Variants in MAGI1 observed in about 807,000 individuals in gnomAD.
The protein encoded by MAGI1 is membrane-associated guanylate kinase, WW and PDZ domain-containing protein 1.
MAGI1 carries 58 observed loss-of-function variants against 139.9 expected under a neutral mutation model. The observed-to-expected ratio is 0.41, with a 90% CI of 0.34 to 0.52. MAGI1 has a LOEUF of 0.52. Among genes scored for constraint, MAGI1 ranks in the 20% least tolerant of loss-of-function variants. MAGI1 has a pLI of 0.12. For synonymous variants in MAGI1, 812 were observed against 737.9 expected (o/e 1.10, Z -1.63); for missense variants, 1,874 against 1,901.6 (o/e 0.99, Z 0.27).
At chr3:65,530,038 C>T (rs2078570617) in intron 2 of MAGI1, among the ~76,000 whole-genome samples, 1 of 151,940 alleles carries the variant, frequency 6.6e-6, no homozygotes, top group South Asian at 2.1e-4. Flanking sequence ...GTGAGAGTGC[C>T]TAGCTAGGGA....
At chr3:65,374,354 G>A (rs1183633325) in intron 18 of MAGI1, among the ~76,000 whole-genome samples, 1 of 112,422 alleles carries the variant, frequency 8.9e-6, no homozygotes, top group African/African-American at 3.5e-5. Flanking sequence ...GTCTCGCCCT[G>A]TTGCCCAGGC....
intron 2 of MAGI1, among the ~76,000 whole-genome samples, chr3:65,556,471 T>G (rs1158907530): frequency 6.6e-6 from 1 of 152,212 alleles, no homozygotes; most frequent in East Asian, 1.9e-4. Context: ...ATAAGCCTGG[T>G]CCGCTTTCAG....
intron 1 of MAGI1, among the ~76,000 whole-genome samples, chr3:65,670,739 G>T (rs1187028753): frequency 6.6e-6 from 1 of 152,132 alleles, no homozygotes; most frequent in African/African-American, 2.4e-5. Flanking sequence ...GGTCTCCATA[G>T]TTAATGCAGA....
chr3:65,819,738 G>A (rs1293637033), intron 1 of MAGI1, among the ~76,000 whole-genome samples: 5 of 151,192 alleles, frequency 3.3e-5, no homozygotes, highest in South Asian at 2.1e-4. Flanking sequence ...TTAGCTGGGC[G>A]TGGTGGTGCA....
At chr3:65,395,810 A>C (rs1026753091) in intron 13 of MAGI1, among the ~76,000 whole-genome samples, 4 of 151,282 alleles carry the variant, frequency 2.6e-5, no homozygotes, top group African/African-American at 9.7e-5. Flanking sequence ...CAAGAGGGGG[A>C]ATCCATTAAT....
chr3:65,683,964 A>C (rs1352559818), intron 1 of MAGI1, among the ~76,000 whole-genome samples: 26 of 150,598 alleles, frequency 1.7e-4, no homozygotes, highest in African/African-American at 4.4e-4. Flanking sequence ...CAGGAGTTTG[A>C]TACCAGCCTG....
intron 1 of MAGI1, among the ~76,000 whole-genome samples, chr3:65,705,515 C>T (rs1454644255): frequency 6.6e-6 from 1 of 152,188 alleles, no homozygotes; most frequent in East Asian, 1.9e-4. Context: ...AGAAATTGTA[C>T]AAGGTGCAAG....
At chr3:66,001,204 G>A (rs2066720327) in intron 1 of MAGI1, among the ~76,000 whole-genome samples, 1 of 152,134 alleles carries the variant, frequency 6.6e-6, no homozygotes, top group Non-Finnish European at 1.5e-5. Context: ...TGAAGAACAA[G>A]TAGGAATTGG....
chr3:65,939,350 A>C (rs1406572119), intron 1 of MAGI1, among the ~76,000 whole-genome samples: 1 of 152,184 alleles, frequency 6.6e-6, no homozygotes, highest in Non-Finnish European at 1.5e-5. Context: ...CACCAGCAAG[A>C]TCATTATTTC....
At chr3:65,549,512 C>CG (rs2079711621) in intron 2 of MAGI1, 1 of 984,280 alleles carries the variant, frequency 1.0e-6, no homozygotes, top group African/African-American at 1.7e-5. Flanking sequence ...AGCGGCCCGG[C>CG]GGCAGCTGCT....
At chr3:65,932,824 G>A (rs547883522) in intron 1 of MAGI1, among the ~76,000 whole-genome samples, 15 of 152,232 alleles carry the variant, frequency 9.9e-5, no homozygotes, top group East Asian at 5.8e-4. Flanking sequence ...AGACTTTGCC[G>A]TCTCTAGATA....
intron 13 of MAGI1, among the ~76,000 whole-genome samples, chr3:65,399,148 T>G (rs1944651738): frequency 6.6e-6 from 1 of 152,168 alleles, no homozygotes; most frequent in Non-Finnish European, 1.5e-5. Flanking sequence ...ACAGAGCTAT[T>G]GCCAAATCTA....
rs1945366759 is a variant in MAGI1, at chr3:65,406,705, G to T, written c.2168-5235C>A. Among the ~76,000 whole-genome samples the T allele has an allele frequency of 2.6e-5, 4 of 151,862 alleles. No individual in the cohort carries two copies. The South Asian group carries it at 8.3e-4, about 32-fold the overall frequency. On this transcript the variant is annotated intron_variant, in intron 12 of 22. Transcript: ENST00000402939. ...GCAATAAAAACTGAAAAACTGTCCTGGAGTTGGATTAGGTAATACAGTGTG... is the reference window on the plus strand; with the variant it reads ...GCAATAAAAACTGAAAAACTGTCCTTGAGTTGGATTAGGTAATACAGTGTG...
At chr3:65,473,076 G>A (rs1323850661) in intron 4 of MAGI1, among the ~76,000 whole-genome samples, 1 of 152,086 alleles carries the variant, frequency 6.6e-6, no homozygotes, top group Non-Finnish European at 1.5e-5. Flanking sequence ...GTTGTGGGGA[G>A]GATTAAATGG....
intron 1 of MAGI1, among the ~76,000 whole-genome samples, chr3:65,940,764 G>A (rs372923859): frequency 2.6e-5 from 4 of 152,106 alleles, no homozygotes; most frequent in African/African-American, 7.2e-5. Flanking sequence ...ACCAAAGTGC[G>A]TATCAGACTG....
At chr3:65,739,111 G>A (rs1008975576) in intron 1 of MAGI1, among the ~76,000 whole-genome samples, 1 of 152,226 alleles carries the variant, frequency 6.6e-6, no homozygotes, top group African/African-American at 2.4e-5. Flanking sequence ...CTGTTGTTTA[G>A]TATAGCCACA....
chr3:65,637,552 CAAAAAAAGAAAG>C (rs1460691300), intron 1 of MAGI1, among the ~76,000 whole-genome samples: 416 of 87,852 alleles, frequency 4.7e-3, no homozygotes, highest in African/African-American at 0.018. Context: ...ACCCTGTCTC[CAAAAAAAGAAAG>C]AAAGAAAGAA....
intron 1 of MAGI1, among the ~76,000 whole-genome samples, chr3:65,758,668 G>A (rs1264135316): frequency 6.6e-6 from 1 of 152,140 alleles, no homozygotes; most frequent in East Asian, 1.9e-4. Flanking sequence ...AGTGGGTAGA[G>A]ACCAGGGATA....
Position 65,354,912 on chromosome 3 carries a change from T to A in MAGI1, c.*1466A>T, listed in dbSNP as rs1023539077. ...TTTTTTTTCTTTTTCCTTTTTTTTT[T>A]TCTTACAGTACCATGGGAACAACAG... On this transcript the variant is annotated 3_prime_UTR_variant, in exon 23 of 23. Coordinates refer to ENST00000402939, the MANE Select transcript of MAGI1 (RefSeq NM_001033057.2). 6.6e-6 allele frequency: 1 copy of A among 152,416 alleles called. No homozygotes were observed. The highest frequency in any genetic ancestry group is 1.5e-5 in the Non-Finnish European group (1 of 68,000). The allele number at this position is 152,416 out of a possible 1,614,324, so 9.4% of individuals were successfully genotyped here. A position where few individuals can be genotyped will look rare whatever the true frequency, so the allele number is the denominator to read the frequency against.
Sources: gnomAD v4.1 joint callset for allele counts (sites outside exome capture counted in the v4.1 genomes callset) on GRCh38, gnomAD v4.1.1 for gene constraint, MANE v1.5 for transcripts, NCBI Gene and HGNC (gene_info 2026-07-23, HGNC 2026-07-21) for gene names.